GON4L: variants seen among roughly 807,000 people sequenced by gnomAD.
GON4L encodes the protein gon-4 like, also known as GON-4-like protein.
A neutral mutation model predicts 211.8 loss-of-function variants in GON4L; 87 were observed. The ratio of observed to expected loss-of-function variants is 0.41; its 90% confidence interval spans 0.35 to 0.49. GON4L has a LOEUF of 0.49. Among genes scored for constraint, GON4L ranks in the 20% least tolerant of loss-of-function variants. The probability of loss-of-function intolerance (pLI) is 0.15; values close to 1 mark genes in which losing one functional copy is unlikely to be tolerated. For synonymous variants in GON4L, 875 were observed against 962.6 expected (o/e 0.91, Z 1.68); for missense variants, 2,155 against 2,659.5 (o/e 0.81, Z 4.17).
intron 2 of GON4L, among the ~76,000 whole-genome samples, chr1:155,833,466 G>GAAA (rs942785680): frequency 6.6e-6 from 1 of 151,386 alleles, no homozygotes; most frequent in African/African-American, 2.4e-5. Flanking sequence ...TGGCTACGGG[G>GAAA]AAACCCCATC....
At chr1:155,761,899 C>T (rs913498820) in intron 23 of GON4L, among the ~76,000 whole-genome samples, 5 of 152,292 alleles carry the variant, frequency 3.3e-5, no homozygotes, top group East Asian at 1.9e-4. Flanking sequence ...TCCTTATCAG[C>T]GCACCCAGTA....
chr1:155,803,747 T>C (rs1666897751), intron 11 of GON4L, among the ~76,000 whole-genome samples: 1 of 152,190 alleles, frequency 6.6e-6, no homozygotes, highest in South Asian at 2.1e-4. Flanking sequence ...ACCAAGTCGA[T>C]CTGACTTGTT....
chr1:155,794,658 C>A (rs2101989109), intron 12 of GON4L, among the ~76,000 whole-genome samples: 1 of 152,292 alleles, frequency 6.6e-6, no homozygotes, highest in South Asian at 2.1e-4. Flanking sequence ...TAGTCCATAT[C>A]ATACACTAGG....
At chr1:155,857,719 T>A (rs1299951905), upstream of GON4L, among the ~76,000 whole-genome samples, 1 of 90,776 alleles carries the variant, frequency 1.1e-5, no homozygotes, top group African/African-American at 3.3e-5. Context: ...ACAGTGAGAC[T>A]CTGTATCAAA....
At chr1:155,813,449 CAAAA>C (rs889260526) in intron 10 of GON4L, among the ~76,000 whole-genome samples, 181 bp downstream of exon 10, 1 of 151,288 alleles carries the variant, frequency 6.6e-6, no homozygotes, top group Non-Finnish European at 1.5e-5. Flanking sequence ...AACAAACAAA[CAAAA>C]AAAACCCCAA....
In GON4L at chr1:155,766,509, G is replaced by A. The variant is rs1456858381; in HGVS notation, c.2964C>T (p.Phe988=). Residue 988 remains phenylalanine, a synonymous_variant, in exon 21 of 32, where the codon TTC becomes TTT. Transcript: ENST00000368331. The part of the protein sequence containing the change: ...VLKLKPVATR[F]PRKAWRQKRS... ...GCTTCTGTCTCCAAGCCTTCCTGGG[G>A]AAACGGGTGGCAACTGGCTTCAGTT... 2.5e-6 allele frequency: 4 copies of A among 1,613,960 alleles called. No individual in the cohort carries two copies. Among genetic ancestry groups the A allele is most frequent in the Non-Finnish European group, 3.4e-6 (4 of 1,180,012 alleles).
At chr1:155,761,710 G>A (rs561525832) in intron 23 of GON4L, among the ~76,000 whole-genome samples, 171 of 151,606 alleles carry the variant, frequency 1.1e-3, no homozygotes, top group African/African-American at 4.1e-3. Context: ...GGTCAGGCTG[G>A]TCTCTAACTC....
chr1:155,774,951 A>G (rs1004275447), intron 17 of GON4L, 51 bp downstream of exon 17: 23 of 1,601,638 alleles, frequency 1.4e-5, no homozygotes, highest in Non-Finnish European at 1.9e-5. Flanking sequence ...TAAGATTCCC[A>G]CCACCTCTCA....
chr1:155,772,706 G>C (rs1000908095), intron 18 of GON4L, among the ~76,000 whole-genome samples: 1 of 151,998 alleles, frequency 6.6e-6, no homozygotes, highest in African/African-American at 2.4e-5. Flanking sequence ...GCTGCAGTGA[G>C]CTGTGACTGC....
chr1:155,758,649 T>C (rs774989658), intron 24 of GON4L, among the ~76,000 whole-genome samples: 1 of 152,044 alleles, frequency 6.6e-6, no homozygotes, highest in African/African-American at 2.4e-5. Flanking sequence ...GAAGCCGAGG[T>C]AGGCAAATCA....
chr1:155,746,138 A>G (rs2101566353), downstream of GON4L: 1 of 906,910 alleles, frequency 1.1e-6, no homozygotes, highest in Non-Finnish European at 1.6e-6. Context: ...ATGGATCTGA[A>G]GGGTGAGGTG....
chr1:155,813,910 C>T (rs554640576), intron 9 of GON4L, 106 bp from the exon 10 acceptor site: 3 of 844,752 alleles, frequency 3.6e-6, no homozygotes, highest in East Asian at 5.3e-5. Flanking sequence ...TTTCCATACA[C>T]CATTGTCCTT....
At chr1:155,776,548 T>A in intron 15 of GON4L, 67 bp from the exon 16 acceptor site, 21 of 1,067,492 alleles carry the variant, frequency 2.0e-5, no homozygotes, top group Non-Finnish European at 2.3e-5. Context: ...TCCAGAGAGA[T>A]CTTTTTTTTT....
chr1:155,823,541 CA>C (rs1668912226), intron 3 of GON4L, among the ~76,000 whole-genome samples: 1 of 152,146 alleles, frequency 6.6e-6, no homozygotes, highest in Admixed American at 6.6e-5. Flanking sequence ...TTACAACCTA[CA>C]TAGCAATGAA....
intron 11 of GON4L, among the ~76,000 whole-genome samples, chr1:155,798,576 A>ATTTTT (rs34273258): frequency 5.4e-4 from 48 of 89,440 alleles, no homozygotes; most frequent in East Asian, 6.4e-4. Flanking sequence ...CGTCAGGCTA[A>ATTTTT]TTTTTTTTTT....
chr1:155,839,391 G>A (rs1376852596), intron 2 of GON4L, among the ~76,000 whole-genome samples: 1 of 152,154 alleles, frequency 6.6e-6, no homozygotes, highest in Non-Finnish European at 1.5e-5. Context: ...GCTTATGCCT[G>A]TAATCCCAGC....
Position 155,816,230 on chromosome 1 carries a change from C to A in GON4L, c.1047G>T (p.Lys349Asn). The A allele has an allele frequency of 7.5e-7, 1 of 1,342,270 alleles. No individual in the cohort carries two copies. The highest frequency in any genetic ancestry group is 1.1e-6 in the Non-Finnish European group (1 of 934,038). 83.1% of individuals were successfully genotyped at this position (1,342,270 alleles called of 1,614,324 possible). Residue 349 changes from lysine (K) to asparagine (N), a missense_variant, in exon 7 of 32, where the codon AAG (lysine) becomes AAT (asparagine). Transcript: ENST00000368331. Reference sequence around the variant, plus strand: ...AGTTTACCTTAATTTCATTGGCCTTCTTAATTGGTGAAATATTCCATGTTG... The same window carrying A: ...AGTTTACCTTAATTTCATTGGCCTTATTAATTGGTGAAATATTCCATGTTG... ...VIPTWNISPI[K>N]KANEIKPPQF...
At chr1:155,783,885 A>G (rs822019) in intron 14 of GON4L, 101 bp downstream of exon 14, 1,442,296 of 1,549,534 alleles carry the variant, frequency 0.93, 677,568 homozygotes, top group East Asian at 1. Flanking sequence ...CAGTAACAGA[A>G]GCTGGTTTGG....
intron 12 of GON4L, among the ~76,000 whole-genome samples, chr1:155,793,975 G>A (rs1213014757): frequency 6.6e-6 from 1 of 151,980 alleles, no homozygotes; most frequent in East Asian, 1.9e-4. Context: ...CATACCTCCA[G>A]TCTTGTTCAC....
Sources: gnomAD v4.1 joint callset for allele counts (sites outside exome capture counted in the v4.1 genomes callset) on GRCh38, gnomAD v4.1.1 for gene constraint, MANE v1.5 for transcripts, NCBI Gene and HGNC (gene_info 2026-07-23, HGNC 2026-07-21) for gene names.